The following CDH4 variants were observed in gnomAD, a reference collection of about 807,000 sequenced individuals.
CDH4 encodes the protein cadherin 4.
Under a neutral mutation model 86.0 loss-of-function variants are expected in CDH4, and 33 were observed. That is an observed-to-expected ratio of 0.38 (90% CI 0.29 to 0.51). CDH4 has a LOEUF of 0.51. Ranked by LOEUF, CDH4 falls within the 20% of genes least tolerant of loss-of-function variation. The pLI is 0.86. For synonymous variants in CDH4, 555 were observed against 549.4 expected, an observed-to-expected ratio of 1.01 and a Z score of -0.14; for missense variants, 1,114 against 1,307.4, an observed-to-expected ratio of 0.85 and a Z score of 2.28.
intron 2 of CDH4, among the ~76,000 whole-genome samples, chr20:61,363,376 G>A (rs115530466): frequency 5.8e-4 from 89 of 152,168 alleles, no homozygotes; most frequent in African/African-American, 2.1e-3. Flanking sequence ...CTTATGGAGC[G>A]CCAGTCTTTT....
At chr20:61,727,110 C>G (rs1473162142) in intron 2 of CDH4, among the ~76,000 whole-genome samples, 1 of 152,126 alleles carries the variant, frequency 6.6e-6, no homozygotes, top group Non-Finnish European at 1.5e-5. Flanking sequence ...GAGCCATCAC[C>G]ATCGTTGCCA....
At chr20:61,635,712 C>T (rs572564223) in intron 2 of CDH4, among the ~76,000 whole-genome samples, 2 of 152,298 alleles carry the variant, frequency 1.3e-5, no homozygotes, top group East Asian at 3.9e-4. Context: ...GAGGAGGATT[C>T]TCTGGGGGCT....
At chr20:61,299,125 A>T (rs2084372683) in intron 2 of CDH4, among the ~76,000 whole-genome samples, 1 of 152,212 alleles carries the variant, frequency 6.6e-6, no homozygotes, top group Non-Finnish European at 1.5e-5. Context: ...GTCAGAGTGG[A>T]TCAGGGTGGG....
intron 2 of CDH4, among the ~76,000 whole-genome samples, chr20:61,620,692 T>C (rs2086769542): frequency 6.6e-6 from 1 of 152,270 alleles, no homozygotes; most frequent in South Asian, 2.1e-4. Flanking sequence ...GTTCATTTAA[T>C]TGAAACCAAC....
chr20:61,409,134 C>T (rs1176819487), intron 2 of CDH4, among the ~76,000 whole-genome samples: 1 of 152,232 alleles, frequency 6.6e-6, no homozygotes, highest in Non-Finnish European at 1.5e-5. Flanking sequence ...CCGGCCACTC[C>T]ATCACGTGGT....
intron 2 of CDH4, among the ~76,000 whole-genome samples, chr20:61,360,186 G>C (rs896488408): frequency 1.3e-5 from 2 of 152,224 alleles, no homozygotes; most frequent in Non-Finnish European, 2.9e-5. Context: ...CAGAGAAACT[G>C]AACTATGTCC....
At chr20:61,804,324 G>C (rs79890253) in intron 4 of CDH4, among the ~76,000 whole-genome samples, 1 of 152,208 alleles carries the variant, frequency 6.6e-6, no homozygotes. Flanking sequence ...ACAGAGGACC[G>C]AGGCGGGTAG....
chr20:61,494,515 C>T (rs565593941), intron 2 of CDH4, among the ~76,000 whole-genome samples: 2 of 152,262 alleles, frequency 1.3e-5, no homozygotes, highest in Admixed American at 1.3e-4. Flanking sequence ...TAGCTATTTC[C>T]TTGCAGGTAG....
chr20:61,578,047 GC>G (rs1429152626), intron 2 of CDH4, among the ~76,000 whole-genome samples: 1 of 152,062 alleles, frequency 6.6e-6, no homozygotes, highest in African/African-American at 2.4e-5. Flanking sequence ...GGAAACCTCT[GC>G]CCCTCCTTGG....
chr20:61,795,132 G>GTAGTGAT (rs1568820237), intron 4 of CDH4, among the ~76,000 whole-genome samples: 2 of 133,520 alleles, frequency 1.5e-5, no homozygotes, highest in African/African-American at 5.9e-5. Flanking sequence ...GGTGATGATG[G>GTAGTGAT]AAATGATGGT....
rs984418293 is a variant in CDH4, at chr20:61,703,385, G to A, written c.170-40178G>A. 6.6e-6 allele frequency among the ~76,000 whole-genome samples: 1 copy of A among 152,226 alleles called. No homozygotes were observed. Among genetic ancestry groups the A allele is most frequent in the Non-Finnish European group, 1.5e-5 (1 of 68,048 alleles). Reference sequence around the variant, plus strand: ...CAGGATGGACACAGTTGATACTCGAGCGTGAATGGAGACACTGGCAGCAGG... The same window carrying A: ...CAGGATGGACACAGTTGATACTCGAACGTGAATGGAGACACTGGCAGCAGG... On this transcript the variant is annotated intron_variant, in intron 2 of 15. Coordinates refer to ENST00000614565, the MANE Select transcript of CDH4 (RefSeq NM_001794.5). The surrounding 1 kb of genome is among the most constrained non-coding windows in gnomAD (Gnocchi z 4.3).
At chr20:61,379,058 A>G (rs1333749009) in intron 2 of CDH4, among the ~76,000 whole-genome samples, 1 of 152,168 alleles carries the variant, frequency 6.6e-6, no homozygotes. Context: ...CACCTATGCA[A>G]AAGGGAGCGT....
At chr20:61,697,888 T>C (rs974062204) in intron 2 of CDH4, among the ~76,000 whole-genome samples, 1 of 152,214 alleles carries the variant, frequency 6.6e-6, no homozygotes, top group African/African-American at 2.4e-5. Context: ...CCCGGGTCTC[T>C]CAACCCTCCC....
At position 61,754,049 on chromosome 20, in the gene CDH4, C is replaced by G. The variant is rs1280710982; in HGVS notation, c.396+10260C>G. 6.6e-6 allele frequency among the ~76,000 whole-genome samples: 1 copy of G among 152,142 alleles called. No individual in the cohort carries two copies. Among genetic ancestry groups the G allele is most frequent in the African/African-American group, 2.4e-5 (1 of 41,410 alleles). The stretch of plus-strand genomic sequence containing the variant: ...AGGGAGAAGTCCTGTGAAGATGAGG[C>G]AGAGAGCTGGGGGATGCCTTCAAAA... On this transcript the variant is annotated intron_variant, in intron 3 of 15. Coordinates refer to ENST00000614565, the MANE Select transcript of CDH4 (RefSeq NM_001794.5). This position sits in a 1 kb window ranked among gnomAD's most constrained non-coding sequence, Gnocchi z 4.7.
intron 8 of CDH4, among the ~76,000 whole-genome samples, chr20:61,901,677 A>G (rs908353206): frequency 3.9e-5 from 6 of 152,204 alleles, no homozygotes. Context: ...GCAGCACCCA[A>G]CGCCGGGTGG....
chr20:61,314,619 T>G (rs2084466333), intron 2 of CDH4, among the ~76,000 whole-genome samples: 1 of 152,188 alleles, frequency 6.6e-6, no homozygotes, highest in African/African-American at 2.4e-5. Flanking sequence ...TGACTTCATT[T>G]CCTCTGGATA....
In CDH4 at chr20:61,517,826, G is replaced by C. The variant is rs1351923557; in HGVS notation, c.170-225737G>C. ...GGTCAGTCCAGGGTTCATCGTTTTA[G>C]CTGAGTTACCTCTTATTTCATTTAT... On this transcript the variant is annotated intron_variant, in intron 2 of 15. Transcript: ENST00000614565. The surrounding 1 kb of genome is among the most constrained non-coding windows in gnomAD (Gnocchi z 6.6). 1.3e-5 allele frequency among the ~76,000 whole-genome samples: 2 copies of C among 152,132 alleles called. No individual in the cohort carries two copies. Among genetic ancestry groups the C allele is most frequent in the Non-Finnish European group, 2.9e-5 (2 of 68,006 alleles).
At chr20:61,420,668 G>C (rs2085172558) in intron 2 of CDH4, among the ~76,000 whole-genome samples, 1 of 152,264 alleles carries the variant, frequency 6.6e-6, no homozygotes, top group Admixed American at 6.5e-5. Flanking sequence ...GTTCATAGCA[G>C]CACTCCTCCT....
In CDH4 at chr20:61,858,351, GTCTC is replaced by G. The variant is rs1457997452; in HGVS notation, c.877+5457_877+5460del. Among the ~76,000 whole-genome samples the G allele has an allele frequency of 3.3e-5, 5 of 151,190 alleles. No homozygotes were observed. In the South Asian group the frequency reaches 8.4e-4, roughly 25 times the overall value. The stretch of plus-strand genomic sequence containing the variant: ...TGTCTGTGTCTGTATCTGCGTATGT[GTCTC>G]TCTGTGCGTGTCTCTGTGTCTGTAT... On this transcript the variant is annotated intron_variant, in intron 6 of 15. Coordinates refer to ENST00000614565, the MANE Select transcript of CDH4 (RefSeq NM_001794.5).
Sources: allele counts gnomAD v4.1 joint callset (sites outside exome capture counted in the v4.1 genomes callset), GRCh38; gene constraint gnomAD v4.1.1; non-coding constraint Gnocchi (gnomAD v3.1); transcripts MANE v1.5; gene names NCBI Gene and HGNC (gene_info 2026-07-23, HGNC 2026-07-21).